The following PCDH19 variants were observed in gnomAD, a reference collection of about 807,000 sequenced individuals.
PCDH19 encodes protocadherin 19, also known as protocadherin-19.
A neutral mutation model predicts 46.2 loss-of-function variants in PCDH19; 6 were observed. The ratio of observed to expected loss-of-function variants is 0.13; its 90% CI spans 0.07 to 0.26. The LOEUF (loss-of-function observed/expected upper bound fraction) is 0.26, where lower values mean the gene tolerates loss of function less well. Among genes scored for constraint, PCDH19 ranks in the 10% least tolerant of loss-of-function variants. The pLI is 1.00. For missense variants in PCDH19, 740 were observed against 972.3 expected (o/e 0.76, Z 3.18); for synonymous variants, 481 against 415.7 (o/e 1.16, Z -1.91).
chrX:100,333,342 A>G (rs919694864), intron 5 of PCDH19, among the ~76,000 whole-genome samples: 1 of 111,780 alleles, frequency 8.9e-6, no homozygotes, highest in African/African-American at 3.2e-5. Flanking sequence ...TTGATTTTTC[A>G]TGAAGCTACT....
In PCDH19 at chrX:100,406,880, G is replaced by A. The variant is rs1475073138; in HGVS notation, c.1718C>T (p.Ala573Val). The part of the protein sequence containing the change: ...ITAPPLINGT[A>V]EVYIPRNSGI... ...AGAGTTGCGGGGTATGTAGACCTCG[G>A]CAGTGCCGTTAATCAGAGGTGGGGC... is the stretch of plus-strand genomic sequence containing the variant. Residue 573 changes from alanine (A) to valine (V), a missense_variant, in exon 1 of 6, where the codon GCC becomes GTC. Physicochemically the swap from Ala to Val is moderately conservative, Grantham distance 64. Coordinates refer to ENST00000373034, the MANE Select transcript of PCDH19 (RefSeq NM_001184880.2). 8.3e-7 allele frequency: 1 copy of A among 1,210,022 alleles called. No homozygotes were observed. Among genetic ancestry groups the A allele is most frequent in the African/African-American group, 1.7e-5 (1 of 57,154 alleles).
At chrX:100,392,464 A>G (rs1203454272) in intron 3 of PCDH19, among the ~76,000 whole-genome samples, 1 of 112,346 alleles carries the variant, frequency 8.9e-6, no homozygotes, top group African/African-American at 3.2e-5. Context: ...AAAATCAGGC[A>G]AAATCTTCAC....
chrX:100,409,651 C>T lies in PCDH19; in HGVS notation c.-1054G>A, dbSNP rs1005176489. ...TACCGGCCAGGAGAGGCGGGGCCGC[C>T]GCCGTGGGTACCGGGTGCTTCTCTT... On this transcript the variant is annotated 5_prime_UTR_variant, in exon 1 of 6. Transcript: ENST00000373034. 5.1e-6 allele frequency: 1 copy of T among 194,219 alleles called. No individual in the cohort carries two copies. The highest frequency in any genetic ancestry group is 9.1e-6 in the Non-Finnish European group (1 of 109,506). The allele number at this position is 194,219 out of a possible 1,213,427, so 16.0% of individuals were successfully genotyped here.
chrX:100,409,822 G>T lies in PCDH19; in HGVS notation c.-1225C>A, dbSNP rs1466468594. The T allele has an allele frequency of 4.2e-5, 11 of 261,953 alleles. No homozygotes were observed. Among genetic ancestry groups the T allele is most frequent in the Non-Finnish European group, 6.0e-5 (9 of 150,662 alleles). The allele number at this position is 261,953 out of a possible 1,213,427, so 21.6% of individuals were successfully genotyped here. A position where few individuals can be genotyped will look rare whatever the true frequency, so the allele number is the denominator to read the frequency against. The stretch of plus-strand genomic sequence containing the variant: ...CACAGTCGACGATTTTGTCGCCGCC[G>T]AAGTTTACTTGCAGGAGCGTCTTGA... On this transcript the variant is annotated 5_prime_UTR_variant, in exon 1 of 6. Coordinates refer to ENST00000373034, the MANE Select transcript of PCDH19 (RefSeq NM_001184880.2).
Position 100,408,751 on chromosome X carries a change from G to A in PCDH19, c.-154C>T. 1 of 285,375 alleles carries A rather than the reference G, an allele frequency of 3.5e-6. No homozygotes were observed. The highest frequency in any genetic ancestry group is 1.8e-4 in the South Asian group (1 of 5,426). 23.5% of individuals were successfully genotyped at this position (285,375 alleles called of 1,213,427 possible). The stretch of plus-strand genomic sequence containing the variant: ...AAGTCCCGCCCAGGGCGGCCCGGCG[G>A]CGCGCGGGGGACACCCGCGGCGGCT... On this transcript the variant is annotated 5_prime_UTR_variant, in exon 1 of 6. Coordinates refer to ENST00000373034, the MANE Select transcript of PCDH19 (RefSeq NM_001184880.2).
rs769096743 is a variant in PCDH19, at chrX:100,371,654, T to A, written c.2617-20950A>T. On this transcript the variant is annotated intron_variant, in intron 3 of 5. Coordinates refer to ENST00000373034, the MANE Select transcript of PCDH19 (RefSeq NM_001184880.2). ...GCCTTATTTTTCTCCATATCACTTA[T>A]CTTCTAAAATACCATACATTTCACA... Among the ~76,000 whole-genome samples, 3 of 111,308 alleles carry A rather than the reference T, an allele frequency of 2.7e-5. No individual in the cohort carries two copies. The South Asian group carries it at 1.1e-3, about 42-fold the overall frequency.
intron 5 of PCDH19, among the ~76,000 whole-genome samples, chrX:100,322,638 T>G (rs1925529313): frequency 9.3e-6 from 1 of 107,543 alleles, no homozygotes; most frequent in Non-Finnish European, 1.9e-5. Context: ...CAAAGAATGA[T>G]GGTAGTATTT....
intron 3 of PCDH19, among the ~76,000 whole-genome samples, chrX:100,370,746 T>G (rs970515593): frequency 2.1e-4 from 23 of 112,062 alleles, no homozygotes; most frequent in East Asian, 2.8e-4. Context: ...CTCATTAAAA[T>G]ACTTTGCTGT....
intron 3 of PCDH19, among the ~76,000 whole-genome samples, chrX:100,396,584 G>A (rs1432406059): frequency 8.9e-6 from 1 of 112,029 alleles, no homozygotes; most frequent in Non-Finnish European, 1.9e-5. Context: ...GGGGAGAGAG[G>A]TGATCTCTAA....
At chrX:100,373,473 C>A (rs1479967184) in intron 3 of PCDH19, among the ~76,000 whole-genome samples, 1 of 112,763 alleles carries the variant, frequency 8.9e-6, no homozygotes. Flanking sequence ...CTCTTCTTTG[C>A]ACTAGAATAA....
Position 100,334,860 on chromosome X carries a change from G to A in PCDH19, c.2848+7043C>T, listed in dbSNP as rs866092636. Among the ~76,000 whole-genome samples, 180 of 103,758 alleles carry A rather than the reference G, an allele frequency of 1.7e-3. 1 individual carries two copies. Among genetic ancestry groups the A allele is most frequent in the African/African-American group, 5.8e-3 (164 of 28,426 alleles). The allele number at this position is 103,758 out of a possible 115,157, so 90.1% of individuals were successfully genotyped here. A position where few individuals can be genotyped will look rare whatever the true frequency, so the allele number is the denominator to read the frequency against. ...TATACACATATACATATATATGTCT[G>A]TATATATATATATATATGTTGGGAA... On this transcript the variant is annotated intron_variant, in intron 5 of 5. Transcript: ENST00000373034.
At chrX:100,308,958 TG>T (rs1305783387) in intron 5 of PCDH19, among the ~76,000 whole-genome samples, 2 of 111,767 alleles carry the variant, frequency 1.8e-5, no homozygotes, top group African/African-American at 3.3e-5. Context: ...TGGAAAACAG[TG>T]TGGACATTCC....
chrX:100,331,983 A>G (rs2147475632), intron 5 of PCDH19, among the ~76,000 whole-genome samples: 1 of 110,700 alleles, frequency 9.0e-6, no homozygotes, highest in South Asian at 3.8e-4. Flanking sequence ...AGAAAGAGAA[A>G]TTAAAAAGGC....
intron 3 of PCDH19, among the ~76,000 whole-genome samples, chrX:100,387,826 C>A (rs1256818104): frequency 9.0e-6 from 1 of 111,283 alleles, no homozygotes; most frequent in Admixed American, 9.6e-5. Flanking sequence ...AAATGTAAAA[C>A]TTCATACTTG....
chrX:100,406,707 C>T lies in PCDH19; in HGVS notation c.1891G>A (p.Gly631Arg). ...NGEVRTTRTF[G>R]ESSKSSYELI... ...TCATAGGAGGACTTGGAGCTCTCCC[C>T]GAAGGTGCGGGTGGTTCTGACTTCG... The change falls in exon 1 of 6, where the codon GGG becomes AGG. Residue 631 changes from glycine to arginine, a missense_variant. Coordinates refer to ENST00000373034, the MANE Select transcript of PCDH19 (RefSeq NM_001184880.2). 8.3e-7 allele frequency: 1 copy of T among 1,211,685 alleles called. No individual in the cohort carries two copies. The highest frequency in any genetic ancestry group is 3.0e-5 in the East Asian group (1 of 33,839).
chrX:100,314,158 A>C (rs1478411009), intron 5 of PCDH19, among the ~76,000 whole-genome samples: 1 of 111,998 alleles, frequency 8.9e-6, no homozygotes, highest in African/African-American at 3.2e-5. Context: ...GAGTAGGGAA[A>C]CGAACTGTTT....
intron 1 of PCDH19, among the ~76,000 whole-genome samples, chrX:100,405,668 A>G (rs1415192324): frequency 9.2e-6 from 1 of 108,315 alleles, no homozygotes; most frequent in Non-Finnish European, 1.9e-5. Flanking sequence ...CCAGATCTTA[A>G]TGCCACAACA....
At chrX:100,391,604 T>A (rs977672109) in intron 3 of PCDH19, among the ~76,000 whole-genome samples, 3 of 112,043 alleles carry the variant, frequency 2.7e-5, no homozygotes, top group African/African-American at 9.7e-5. Context: ...TTCAAACCAA[T>A]GCTGCAAACA....
chrX:100,368,347 C>A (rs944658490), intron 3 of PCDH19, among the ~76,000 whole-genome samples: 1 of 111,432 alleles, frequency 9.0e-6, no homozygotes, highest in African/African-American at 3.3e-5. Context: ...CCTGCAGCAG[C>A]CTGTAGGTGG....
Sources: gnomAD v4.1 joint callset for allele counts (sites outside exome capture counted in the v4.1 genomes callset) on GRCh38, gnomAD v4.1.1 for gene constraint, MANE v1.5 for transcripts, NCBI Gene and HGNC (gene_info 2026-07-23, HGNC 2026-07-21) for gene names.